The following AZIN2 variants were observed in gnomAD, a reference collection of about 807,000 sequenced individuals.
AZIN2 encodes antizyme inhibitor 2.
In AZIN2, 28 loss-of-function variants were observed where a neutral mutation model predicts 47.8. That is an observed-to-expected ratio of 0.59 (90% CI 0.43 to 0.80). The LOEUF is 0.80. Ranked by LOEUF, AZIN2 falls within the 30% of genes least tolerant of loss-of-function variation. The pLI, the probability that AZIN2 is intolerant of heterozygous loss-of-function variation, is 0.00. For synonymous variants in AZIN2, 221 were observed against 239.4 expected (o/e 0.92, Z 0.71); for missense variants, 535 against 582.5 (o/e 0.92, Z 0.84).
chr1:33,088,813 C>G (rs893069759), intron 5 of AZIN2, among the ~76,000 whole-genome samples: 1 of 152,204 alleles, frequency 6.6e-6, no homozygotes, highest in African/African-American at 2.4e-5. Context: ...ATATCTAACC[C>G]TGAAGTTGTC....
Position 33,122,785 on chromosome 1 carries a change from T to C in AZIN2, c.*2603T>C, listed in dbSNP as rs1644818779. On this transcript the variant is annotated 3_prime_UTR_variant, in exon 12 of 12. Coordinates refer to ENST00000294517, the MANE Select transcript of AZIN2 (RefSeq NM_052998.4). ...CTCCCTACAACCCACCTGTGCCTCC[T>C]GAAGCCCCTCCTGCGCGCACACTCA... Among the ~76,000 whole-genome samples, 1 of 152,162 alleles carries C rather than the reference T, an allele frequency of 6.6e-6. No individual in the cohort carries two copies. Among genetic ancestry groups the C allele is most frequent in the Admixed American group, 6.5e-5 (1 of 15,284 alleles).
chr1:33,094,933 G>GTT (rs1642978204), intron 8 of AZIN2, among the ~76,000 whole-genome samples: 2 of 152,180 alleles, frequency 1.3e-5, no homozygotes. Context: ...GCAGAACCTG[G>GTT]TTCTGCCTGC....
the AZIN2 span, among the ~76,000 whole-genome samples, chr1:33,161,979 A>G: frequency 3.9e-5 from 6 of 152,136 alleles, no homozygotes; most frequent in African/African-American, 1.4e-4. This position sits in a 1 kb window ranked among gnomAD's most constrained non-coding sequence, Gnocchi z 4.3. Flanking sequence ...TCCCAAGTCC[A>G]TATAGATGGC....
At chr1:33,151,442 G>A in the AZIN2 span, among the ~76,000 whole-genome samples, 2 of 152,208 alleles carry the variant, frequency 1.3e-5, no homozygotes, top group Non-Finnish European at 2.9e-5. Flanking sequence ...ACAGGGTCTT[G>A]GCTCCTGGGG....
At chr1:33,085,830 C>T (rs1407636355) in intron 5 of AZIN2, among the ~76,000 whole-genome samples, 1 of 152,150 alleles carries the variant, frequency 6.6e-6, no homozygotes, top group East Asian at 1.9e-4. Context: ...GAGAGACTGC[C>T]GTTCTACAGT....
At chr1:33,109,710 A>C (rs527354) in intron 10 of AZIN2, among the ~76,000 whole-genome samples, 1 of 151,686 alleles carries the variant, frequency 6.6e-6, no homozygotes, top group South Asian at 2.1e-4. Context: ...ATTGTGCCTT[A>C]GGTGTTGTGT....
chr1:33,122,951 G>A lies in AZIN2; in HGVS notation c.*2769G>A, dbSNP rs951088568. On this transcript the variant is annotated 3_prime_UTR_variant, in exon 12 of 12. Transcript: ENST00000294517. ...CAGATGCCGTACCTCCTGGGATTCC[G>A]TTTCACCAAGAATGAAATTTAAAGT... Among the ~76,000 whole-genome samples, 3 of 152,070 alleles carry A rather than the reference G, an allele frequency of 2.0e-5. No individual in the cohort carries two copies. Among genetic ancestry groups the A allele is most frequent in the African/African-American group, 4.8e-5 (2 of 41,404 alleles).
In AZIN2 at chr1:33,108,047, G is replaced by A. The variant is rs112703550; in HGVS notation, c.1030-9855G>A. 2.6e-5 allele frequency among the ~76,000 whole-genome samples: 4 copies of A among 152,250 alleles called. 1 individual carries two copies. The highest frequency in any genetic ancestry group is 9.6e-5 in the African/African-American group (4 of 41,536). ...CTTGGGCAAAAAGAAGAAAGCTGGA[G>A]GCATCACATTATCTGATTTCAAAAT... On this transcript the variant is annotated intron_variant, in intron 10 of 11. Transcript: ENST00000294517.
chr1:33,107,579 A>AAAAAC (rs775471059), intron 10 of AZIN2, among the ~76,000 whole-genome samples: 2 of 152,170 alleles, frequency 1.3e-5, no homozygotes, highest in Non-Finnish European at 2.9e-5. Context: ...ACTCCATCTC[A>AAAAAC]AAAACAAAAC....
chr1:33,150,595 G>A, the AZIN2 span, among the ~76,000 whole-genome samples: 15 of 152,220 alleles, frequency 9.9e-5, no homozygotes, highest in Non-Finnish European at 1.9e-4. Flanking sequence ...CATAGAAGAC[G>A]GGGAACCAAG....
At chr1:33,089,751 T>A (rs1337370390) in intron 5 of AZIN2, among the ~76,000 whole-genome samples, 1 of 152,238 alleles carries the variant, frequency 6.6e-6, no homozygotes, top group Non-Finnish European at 1.5e-5. Context: ...AAATATTTCA[T>A]AGCATAGTCA....
chr1:33,100,397 A>G (rs970946580), intron 10 of AZIN2, among the ~76,000 whole-genome samples: 3 of 151,720 alleles, frequency 2.0e-5, no homozygotes, highest in African/African-American at 7.2e-5. Flanking sequence ...TTCTTATTGC[A>G]CCATGCTTGG....
rs971867652 is a variant in AZIN2 at position 33,121,361 on chromosome 1, G to A, written c.*1179G>A. On this transcript the variant is annotated 3_prime_UTR_variant, in exon 12 of 12. Coordinates refer to ENST00000294517, the MANE Select transcript of AZIN2 (RefSeq NM_052998.4). ...GGTGATCACCTGAGGTCAGGAGTTCGAGACCAGCCTGGCCAACATGGCAAA... is the reference window on the plus strand; with the variant it reads ...GGTGATCACCTGAGGTCAGGAGTTCAAGACCAGCCTGGCCAACATGGCAAA... 2.0e-5 allele frequency among the ~76,000 whole-genome samples: 3 copies of A among 152,098 alleles called. No homozygotes were observed. Among genetic ancestry groups the A allele is most frequent in the South Asian group, 2.1e-4 (1 of 4,822 alleles).
chr1:33,100,956 G>T (rs1643636964), intron 10 of AZIN2, among the ~76,000 whole-genome samples: 1 of 152,042 alleles, frequency 6.6e-6, no homozygotes. Context: ...CTGCCTCCTA[G>T]GTTCAAGCTT....
chr1:33,159,873 G>A, the AZIN2 span: 2 of 1,612,540 alleles, frequency 1.2e-6, no homozygotes, highest in African/African-American at 1.3e-5. The surrounding 1 kb of genome is among the most constrained non-coding windows in gnomAD (Gnocchi z 4.2). Flanking sequence ...TGGCCTTCTG[G>A]CGTTCACGCA....
intron 5 of AZIN2, among the ~76,000 whole-genome samples, chr1:33,085,231 CA>C (rs113297919): frequency 0.083 from 6,513 of 78,238 alleles, 374 homozygotes; most frequent in African/African-American, 0.22. Context: ...AGCTTGTTTA[CA>C]AAAAAAAAAA....
At chr1:33,108,342 C>CTTTTTTTTTTTTTTTT (rs34834263) in intron 10 of AZIN2, among the ~76,000 whole-genome samples, 1 of 134,758 alleles carries the variant, frequency 7.4e-6, no homozygotes, top group African/African-American at 2.8e-5. Context: ...TTCAGATTGA[C>CTTTTTTTTTTTTTTTT]TTTTTTTTTT....
the AZIN2 span, among the ~76,000 whole-genome samples, chr1:33,144,214 C>T: frequency 3.3e-5 from 5 of 151,568 alleles, no homozygotes; most frequent in East Asian, 1.9e-4. Context: ...TCCAGCTCAC[C>T]GCAACCTCCG....
chr1:33,118,276 A>G, intron 11 of AZIN2, 160 bp downstream of exon 11: 1 of 773,100 alleles, frequency 1.3e-6, no homozygotes, highest in Non-Finnish European at 1.9e-6. Context: ...GGCTGTGGCC[A>G]TAAGTGAGGC....
Sources: gnomAD v4.1 joint callset for allele counts (sites outside exome capture counted in the v4.1 genomes callset) on GRCh38, gnomAD v4.1.1 for gene constraint, Gnocchi (gnomAD v3.1) non-coding constraint, MANE v1.5 for transcripts, NCBI Gene and HGNC (gene_info 2026-07-23, HGNC 2026-07-21) for gene names.